Variants in RHOU observed in about 807,000 individuals in gnomAD.
RHOU encodes the protein rho-related GTP-binding protein RhoU.
RHOU carries 8 observed loss-of-function variants against 12.6 expected under a neutral mutation model. The observed-to-expected ratio is 0.64, with a 90% CI of 0.37 to 1.15. The LOEUF is 1.15. Ranked by LOEUF, RHOU falls within the 50% of genes most tolerant of loss-of-function variation. RHOU has a pLI of 0.01. For synonymous variants in RHOU, 161 were observed against 147.4 expected, an observed-to-expected ratio of 1.09 and a Z score of -0.67; for missense variants, 258 against 347.0, an observed-to-expected ratio of 0.74 and a Z score of 2.04.
the RHOU span, among the ~76,000 whole-genome samples, chr1:228,712,105 A>G: frequency 5.9e-5 from 9 of 151,982 alleles, no homozygotes; most frequent in Admixed American, 5.9e-4. Flanking sequence ...CAAAACCACA[A>G]TGAGATACCA....
At chr1:228,653,970 C>G in the RHOU span, among the ~76,000 whole-genome samples, 1 of 152,250 alleles carries the variant, frequency 6.6e-6, no homozygotes, top group African/African-American at 2.4e-5. Flanking sequence ...GAATATAGCC[C>G]TGTGCATTGT....
chr1:228,736,123 A>T (rs1373789534), intron 1 of RHOU, 119 bp downstream of exon 1: 15 of 1,015,486 alleles, frequency 1.5e-5, no homozygotes, highest in Non-Finnish European at 2.0e-5. Flanking sequence ...GCGCGGCTCC[A>T]GCTGGGAAGC....
At chr1:228,708,429 A>G in the RHOU span, among the ~76,000 whole-genome samples, 3 of 151,826 alleles carry the variant, frequency 2.0e-5, no homozygotes, top group South Asian at 6.3e-4. Flanking sequence ...TTACCCTCAA[A>G]GGGAAGCCCA....
chr1:228,682,535 C>A, the RHOU span, among the ~76,000 whole-genome samples: 1 of 152,110 alleles, frequency 6.6e-6, no homozygotes, highest in Admixed American at 6.5e-5. Flanking sequence ...GTTTTCCAGG[C>A]AGGGGGTGGA....
the RHOU span, among the ~76,000 whole-genome samples, chr1:228,689,992 C>T: frequency 1.3e-5 from 2 of 149,298 alleles, no homozygotes; most frequent in South Asian, 2.1e-4. Context: ...TGCCTGAAAC[C>T]GGAATTTAAA....
At chr1:228,724,945 C>T in the RHOU span, among the ~76,000 whole-genome samples, 1 of 152,184 alleles carries the variant, frequency 6.6e-6, no homozygotes, top group South Asian at 2.1e-4. Context: ...AATTGATCTG[C>T]TTCATTTTCT....
chr1:228,662,129 G>A, the RHOU span, among the ~76,000 whole-genome samples: 1 of 152,200 alleles, frequency 6.6e-6, no homozygotes, highest in South Asian at 2.1e-4. Flanking sequence ...ACCACAATGA[G>A]ATATCATCTC....
chr1:228,704,323 C>T, the RHOU span, among the ~76,000 whole-genome samples: 3 of 152,172 alleles, frequency 2.0e-5, no homozygotes, highest in Non-Finnish European at 4.4e-5. Context: ...GTGTCATGGT[C>T]ACGCGCTTAA....
the RHOU span, among the ~76,000 whole-genome samples, chr1:228,702,579 C>T: frequency 1.3e-5 from 2 of 152,266 alleles, no homozygotes; most frequent in East Asian, 3.9e-4. Flanking sequence ...AAAACATAAG[C>T]TCACAGTCAA....
At position 228,735,538 on chromosome 1, in the gene RHOU, G is replaced by A. The variant is rs1662582082; in HGVS notation, c.-205G>A. 1 of 311,836 alleles carries A rather than the reference G, an allele frequency of 3.2e-6. No homozygotes were observed. The highest frequency in any genetic ancestry group is 2.2e-5 in the African/African-American group (1 of 45,542). The allele number at this position is 311,836 out of a possible 1,614,324, so 19.3% of individuals were successfully genotyped here. On this transcript the variant is annotated 5_prime_UTR_variant, in exon 1 of 3. Coordinates refer to ENST00000366691, the MANE Select transcript of RHOU (RefSeq NM_021205.6). This position sits in a 1 kb window ranked among gnomAD's most constrained non-coding sequence, Gnocchi z 8.1. The stretch of plus-strand genomic sequence containing the variant: ...TCCTCCAACAGCGCAGGGCAGAGCG[G>A]CTGGCGCCGCCGGAGCGCGGAGCCA...
chr1:228,685,037 G>T, the RHOU span, among the ~76,000 whole-genome samples: 1 of 152,208 alleles, frequency 6.6e-6, no homozygotes, highest in South Asian at 2.1e-4. Context: ...TCTAAACAAC[G>T]GGTGCATTAT....
the RHOU span, among the ~76,000 whole-genome samples, chr1:228,660,961 A>C: frequency 6.6e-6 from 1 of 151,864 alleles, no homozygotes; most frequent in East Asian, 1.9e-4. Flanking sequence ...AAATCTCCTT[A>C]AGCTGATAAG....
At chr1:228,663,878 C>G in the RHOU span, among the ~76,000 whole-genome samples, 1 of 151,520 alleles carries the variant, frequency 6.6e-6, no homozygotes, top group South Asian at 2.1e-4. Flanking sequence ...AGTGATCCAC[C>G]CGCCTTGGCC....
the RHOU span, among the ~76,000 whole-genome samples, chr1:228,659,962 A>C: frequency 1.9e-3 from 204 of 109,178 alleles, 2 homozygotes; most frequent in East Asian, 0.012. Flanking sequence ...CTACAAAAAA[A>C]AAACAAAAAA....
At chr1:228,654,793 T>G in the RHOU span, among the ~76,000 whole-genome samples, 30 of 152,220 alleles carry the variant, frequency 2.0e-4, no homozygotes, top group African/African-American at 7.2e-4. Context: ...TCTTTTTTCT[T>G]TTTTTAGATA....
the RHOU span, among the ~76,000 whole-genome samples, chr1:228,675,665 A>AT: frequency 6.6e-6 from 1 of 152,160 alleles, no homozygotes; most frequent in African/African-American, 2.4e-5. Flanking sequence ...ATTATAACAG[A>AT]TTTTTCTGTA....
At chr1:228,672,960 A>T in the RHOU span, among the ~76,000 whole-genome samples, 1 of 152,222 alleles carries the variant, frequency 6.6e-6, no homozygotes, top group Non-Finnish European at 1.5e-5. Flanking sequence ...GAACTGCCAC[A>T]GCTTATTCTT....
the RHOU span, among the ~76,000 whole-genome samples, chr1:228,705,106 G>T: frequency 1.4e-5 from 2 of 144,242 alleles, no homozygotes; most frequent in Admixed American, 7.0e-5. Context: ...CTGGCCAAGA[G>T]TTTTTTTTTT....
At chr1:228,714,639 G>A in the RHOU span, among the ~76,000 whole-genome samples, 38 of 146,448 alleles carry the variant, frequency 2.6e-4, no homozygotes, top group African/African-American at 9.3e-4. Context: ...ATTTTCTCTT[G>A]TTTCAATAGT....
Sources: allele counts gnomAD v4.1 joint callset (sites outside exome capture counted in the v4.1 genomes callset), GRCh38; gene constraint gnomAD v4.1.1; non-coding constraint Gnocchi (gnomAD v3.1); transcripts MANE v1.5; gene names NCBI Gene and HGNC (gene_info 2026-07-23, HGNC 2026-07-21).